The following PTPN22 variants were observed in gnomAD, a reference collection of about 807,000 sequenced individuals.
PTPN22 encodes protein tyrosine phosphatase non-receptor type 22, also known as tyrosine-protein phosphatase non-receptor type 22.
PTPN22 carries 85 observed loss-of-function variants against 103.3 expected under a neutral mutation model. That is an observed-to-expected ratio of 0.82 (90% CI 0.69 to 0.99). The LOEUF (loss-of-function observed/expected upper bound fraction) is 0.99, where lower values mean the gene tolerates loss of function less well. Ranked by LOEUF, PTPN22 falls within the 50% of genes least tolerant of loss-of-function variation. The probability of loss-of-function intolerance (pLI) is 0.00; values close to 1 mark genes in which losing one functional copy is unlikely to be tolerated. For missense variants in PTPN22, 865 were observed against 936.9 expected, an observed-to-expected ratio of 0.92 and a Z score of 1.00; for synonymous variants, 323 against 310.2, an observed-to-expected ratio of 1.04 and a Z score of -0.43.
chr1:113,824,259 A>C (rs1028387809), intron 19 of PTPN22, among the ~76,000 whole-genome samples: 11 of 151,830 alleles, frequency 7.2e-5, no homozygotes, highest in African/African-American at 2.7e-4. Context: ...ATGCCACCAC[A>C]CCCGGCTAAT....
chr1:113,826,547 T>G (rs2101904668), intron 18 of PTPN22, among the ~76,000 whole-genome samples: 1 of 152,258 alleles, frequency 6.6e-6, no homozygotes, highest in East Asian at 1.9e-4. Flanking sequence ...ACACAGCCAT[T>G]TCCATTCTAG....
At chr1:113,815,004 A>G in intron 20 of PTPN22, 35 bp from the exon 21 acceptor site, 1 of 1,484,504 alleles carries the variant, frequency 6.7e-7, no homozygotes, top group Non-Finnish European at 9.3e-7. Flanking sequence ...GAAAAGAAAG[A>G]TGTTTTAAGT....
rs544914045 is a variant in PTPN22, at chr1:113,842,447, C to T, written c.916-3827G>A. Among the ~76,000 whole-genome samples the T allele has an allele frequency of 3.0e-3, 445 of 147,560 alleles. 1 individual carries two copies. The highest frequency in any genetic ancestry group is 9.5e-3 in the African/African-American group (383 of 40,140). ...TCCCAGCACTTTGGGAGGCCGAGGC[C>T]GGCGGATCACGAAGTCAAGAGATTG... On this transcript the variant is annotated intron_variant, in intron 11 of 20. Coordinates refer to ENST00000359785, the Ensembl canonical transcript of PTPN22.
chr1:113,838,664 G>C, intron 11 of PTPN22, 44 bp from the exon 12 acceptor site: 1 of 1,586,804 alleles, frequency 6.3e-7, no homozygotes, highest in Middle Eastern at 1.8e-4. Context: ...GTGAAGCAAT[G>C]TCAATAAGAT....
chr1:113,852,177 G>T, intron 9 of PTPN22, 73 bp from the exon 10 acceptor site: 1 of 1,116,086 alleles, frequency 9.0e-7, no homozygotes. Context: ...TCATAGTCTT[G>T]TACTTCCATG....
chr1:113,817,024 G>A (rs931471156), intron 20 of PTPN22, among the ~76,000 whole-genome samples: 17 of 152,030 alleles, frequency 1.1e-4, no homozygotes, highest in African/African-American at 3.9e-4. Context: ...ATTTGTTAAT[G>A]GTGATGATAA....
chr1:113,851,112 G>T (rs915438482), intron 10 of PTPN22, among the ~76,000 whole-genome samples: 1 of 151,980 alleles, frequency 6.6e-6, no homozygotes, highest in Non-Finnish European at 1.5e-5. Flanking sequence ...GGGTATTCTG[G>T]GGTAGGTTAA....
Position 113,819,644 on chromosome 1 carries a change from A to AT in PTPN22, c.2291dup (p.Asn764LysfsTer16), listed in dbSNP as rs751082679. 1.4e-4 allele frequency: 223 copies of AT among 1,597,974 alleles called. No individual in the cohort carries two copies. Among genetic ancestry groups the AT allele is most frequent in the Non-Finnish European group, 1.8e-4 (212 of 1,169,530 alleles). ...CTGCAGGCTTGTTTGGTGGGCAAGA[A>AT]TTACAGATACCTAGAATCAAAAGAA... On this transcript the variant is annotated frameshift_variant, in exon 20 of 21. Transcript: ENST00000359785. LOFTEE classifies it high-confidence loss of function.
intron 18 of PTPN22, among the ~76,000 whole-genome samples, chr1:113,828,176 ATT>A (rs71578792): frequency 6.6e-6 from 1 of 151,766 alleles, no homozygotes. Flanking sequence ...CCAGTTGCAG[ATT>A]TTTTTTCCTC....
chr1:113,837,829 C>G lies in PTPN22; in HGVS notation c.1571G>C (p.Gly524Ala), dbSNP rs556833484. The change falls in exon 13 of 21, where the codon GGT (glycine) becomes GCT (alanine). Residue 524 changes from glycine to alanine, a missense_variant. By Grantham distance (60) the Gly-to-Ala change is moderately conservative. Around this residue, in one of 3 missense-constraint regions of PTPN22, gnomAD observed 401 missense variants for 388.6 expected, o/e 1.03. Transcript: ENST00000359785. ...CACTAAAGGTATGTAAGAATATACA[C>G]CAAGAGCACTAGAGTCATGGTGCTT... 5.6e-4 allele frequency: 899 copies of G among 1,613,880 alleles called. 14 individuals carry two copies. The South Asian group carries it at 9.5e-3, about 17-fold the overall frequency.
At chr1:113,850,251 A>C (rs1664461146) in intron 10 of PTPN22, among the ~76,000 whole-genome samples, 1 of 151,316 alleles carries the variant, frequency 6.6e-6, no homozygotes, top group African/African-American at 2.4e-5. Flanking sequence ...GAAGGAAGGA[A>C]GGAAGGAAGG....
exon 14 of PTPN22, chr1:113,834,955 G>A: frequency 1.3e-6 from 2 of 1,573,120 alleles, no homozygotes; most frequent in Admixed American, 2.0e-5. Context: ...CATACAGGAA[G>A]TGGAGGGGGG....
chr1:113,841,815 C>T (rs1437757781), intron 11 of PTPN22, among the ~76,000 whole-genome samples: 2 of 152,088 alleles, frequency 1.3e-5, no homozygotes, highest in Non-Finnish European at 2.9e-5. Flanking sequence ...GTTGGCCAGG[C>T]TGATCTCAAA....
At chr1:113,863,539 C>A (rs1385048339) in intron 1 of PTPN22, among the ~76,000 whole-genome samples, 1 of 152,134 alleles carries the variant, frequency 6.6e-6, no homozygotes, top group Non-Finnish European at 1.5e-5. Context: ...AAAAATTGCA[C>A]CTTAATGTGC....
At chr1:113,818,579 A>T (rs908929871) in intron 20 of PTPN22, among the ~76,000 whole-genome samples, 13 of 152,238 alleles carry the variant, frequency 8.5e-5, no homozygotes, top group African/African-American at 3.1e-4. Context: ...AGGGACTCTT[A>T]ACTTAGGCGT....
chr1:113,835,079 TTACC>T, intron 13 of PTPN22, 86 bp from the exon 14 acceptor site: 2 of 676,930 alleles, frequency 3.0e-6, no homozygotes, highest in Non-Finnish European at 4.4e-6. Flanking sequence ...AAATATAAAT[TTACC>T]ATAATTTATA....
At position 113,856,735 on chromosome 1, in the gene PTPN22, C is replaced by T. The variant is rs1336242810; in HGVS notation, c.409-116G>A. ...TTCACCTTAGGTTAGGTGCGTCTAA[C>T]CCCTTTGGGCTTCAACCCCTACATT... On this transcript the variant is annotated intron_variant, in intron 5 of 20. Coordinates refer to ENST00000359785, the Ensembl canonical transcript of PTPN22. 5.2e-6 allele frequency: 7 copies of T among 1,358,400 alleles called. No individual in the cohort carries two copies. In the East Asian group the frequency reaches 1.5e-4, roughly 29 times the overall value. 84.1% of individuals were successfully genotyped at this position (1,358,400 alleles called of 1,614,324 possible).
intron 19 of PTPN22, chr1:113,823,015 C>G (rs544390223): frequency 6.6e-6 from 1 of 152,292 alleles, no homozygotes; most frequent in South Asian, 2.1e-4. Context: ...CCTTTGTTAT[C>G]CTCTCATAGT....
chr1:113,866,743 A>G (rs972338788), intron 1 of PTPN22, among the ~76,000 whole-genome samples: 21 of 151,986 alleles, frequency 1.4e-4, no homozygotes, highest in Non-Finnish European at 3.1e-4. Flanking sequence ...AAAAAAAGCT[A>G]TTGTTGGTTT....
Sources: gnomAD v4.1 joint callset for allele counts (sites outside exome capture counted in the v4.1 genomes callset) on GRCh38, gnomAD v4.1.1 for gene constraint, gnomAD v4.1.1 regional missense constraint, MANE v1.5 for transcripts, NCBI Gene and HGNC (gene_info 2026-07-23, HGNC 2026-07-21) for gene names.